Variants in SHANK2 observed in about 807,000 individuals in gnomAD.
SHANK2 encodes the protein SH3 and multiple ankyrin repeat domains 2.
A neutral mutation model predicts 133.7 loss-of-function variants in SHANK2; 43 were observed. The ratio of observed to expected loss-of-function variants is 0.32; its 90% CI spans 0.25 to 0.41. SHANK2 has a LOEUF of 0.41. SHANK2 is among the 10% of genes least tolerant of loss of function. SHANK2 has a pLI of 1.00. For missense variants in SHANK2, 1,994 were observed against 2,235.8 expected, an observed-to-expected ratio of 0.89 and a Z score of 2.18; for synonymous variants, 1,017 against 952.8, an observed-to-expected ratio of 1.07 and a Z score of -1.24.
In SHANK2 at chr11:71,228,167, A is replaced by G. The variant is rs1954674531; in HGVS notation, c.-112-3371T>C. ...TTGACAATGTAGATGAAATAAAGCA[A>G]TTATTCAAGAAATACAAACTACTTC... On this transcript the variant is annotated intron_variant, in intron 1 of 25. Coordinates refer to ENST00000601538, the MANE Select transcript of SHANK2 (RefSeq NM_012309.5). Among the ~76,000 whole-genome samples the G allele has an allele frequency of 2.0e-5, 3 of 152,222 alleles. No individual in the cohort carries two copies. The South Asian group carries it at 6.2e-4, about 32-fold the overall frequency.
intron 11 of SHANK2, among the ~76,000 whole-genome samples, chr11:70,852,558 T>G (rs1400119856): frequency 6.6e-6 from 1 of 152,198 alleles, no homozygotes; most frequent in Non-Finnish European, 1.5e-5. Context: ...TCAAGATCCA[T>G]GACTGGCTGG....
intron 14 of SHANK2, among the ~76,000 whole-genome samples, chr11:70,787,026 T>TCAC (rs1947670627): frequency 1.6e-5 from 2 of 121,510 alleles, no homozygotes; most frequent in African/African-American, 3.4e-5. Flanking sequence ...ATCACCAGCA[T>TCAC]CACCATCATC....
At chr11:70,492,797 T>TG (rs1256238860) in intron 21 of SHANK2, among the ~76,000 whole-genome samples, 1 of 141,608 alleles carries the variant, frequency 7.1e-6, no homozygotes, top group South Asian at 2.4e-4. Context: ...GTTTTTTTTT[T>TG]TTTTTTTTTT....
chr11:70,795,860 C>A (rs1947898584), intron 14 of SHANK2, among the ~76,000 whole-genome samples: 1 of 152,182 alleles, frequency 6.6e-6, no homozygotes, highest in Non-Finnish European at 1.5e-5. Flanking sequence ...GAAACAAATT[C>A]TCCCCCACAG....
At chr11:70,702,342 A>G (rs1945550815) in intron 14 of SHANK2, among the ~76,000 whole-genome samples, 4 of 150,950 alleles carry the variant, frequency 2.6e-5, no homozygotes, top group Non-Finnish European at 4.4e-5. Context: ...CATCACCAAC[A>G]CCATCACCAC....
chr11:71,064,501 C>T (rs1216084650), intron 9 of SHANK2, among the ~76,000 whole-genome samples: 2 of 152,104 alleles, frequency 1.3e-5, no homozygotes, highest in African/African-American at 4.8e-5. Context: ...GACACAAGCC[C>T]TGGGTTATGC....
At chr11:71,108,786 G>A (rs1951840763) in intron 6 of SHANK2, among the ~76,000 whole-genome samples, 1 of 152,232 alleles carries the variant, frequency 6.6e-6, no homozygotes, top group Admixed American at 6.5e-5. Flanking sequence ...CAACGTCACA[G>A]GCATCAAAGC....
intron 9 of SHANK2, among the ~76,000 whole-genome samples, chr11:71,072,082 G>A (rs1326168283): frequency 6.6e-6 from 1 of 152,188 alleles, no homozygotes; most frequent in African/African-American, 2.4e-5. Context: ...CACGGACAGA[G>A]AAGTCCTTCA....
chr11:71,058,184 T>C (rs1950944812), intron 9 of SHANK2, among the ~76,000 whole-genome samples: 2 of 152,320 alleles, frequency 1.3e-5, no homozygotes, highest in South Asian at 4.2e-4. Flanking sequence ...CGTGAGCCAC[T>C]GCACCCAGCC....
rs192918684 is a variant in SHANK2, at chr11:70,890,575, G to A, written c.1174+5926C>T. On this transcript the variant is annotated intron_variant, in intron 11 of 25. Transcript: ENST00000601538. ...AGTACTTTGGGAGGCTGAGGCGGGC[G>A]GATCACCTGTGGTTCAGAGTTTGAG... Among the ~76,000 whole-genome samples, 964 of 151,298 alleles carry A rather than the reference G, an allele frequency of 6.4e-3. 6 individuals carry two copies. The highest frequency in any genetic ancestry group is 0.022 in the African/African-American group (900 of 41,220).
At chr11:70,664,791 T>C (rs1441971205) in intron 15 of SHANK2, among the ~76,000 whole-genome samples, 1 of 152,228 alleles carries the variant, frequency 6.6e-6, no homozygotes, top group Non-Finnish European at 1.5e-5. Flanking sequence ...GGCATTCCAG[T>C]GTGGCTGGTG....
At chr11:71,219,479 C>A (rs1339338820) in intron 2 of SHANK2, among the ~76,000 whole-genome samples, 2 of 152,092 alleles carry the variant, frequency 1.3e-5, no homozygotes, top group Admixed American at 1.3e-4. Flanking sequence ...TTCAAATAAC[C>A]AATAAGCTCA....
intron 17 of SHANK2, among the ~76,000 whole-genome samples, chr11:70,524,327 T>A (rs1488879030): frequency 6.6e-6 from 1 of 152,226 alleles, no homozygotes; most frequent in Non-Finnish European, 1.5e-5. Context: ...CCAGCGTGGA[T>A]GCACAGAGTC....
intron 14 of SHANK2, among the ~76,000 whole-genome samples, chr11:70,782,892 G>T (rs1229351867): frequency 3.3e-5 from 5 of 152,184 alleles, no homozygotes; most frequent in Admixed American, 3.3e-4. Context: ...TGACACGTGG[G>T]CACCATTACT....
chr11:70,507,627 G>A (rs1444646471), intron 17 of SHANK2, among the ~76,000 whole-genome samples: 2 of 152,152 alleles, frequency 1.3e-5, no homozygotes, highest in Non-Finnish European at 1.5e-5. Context: ...TCACCACTCC[G>A]CATTACCCTG....
chr11:70,625,408 G>A (rs1331196620), intron 17 of SHANK2, among the ~76,000 whole-genome samples: 5 of 152,090 alleles, frequency 3.3e-5, no homozygotes, highest in African/African-American at 1.2e-4. Flanking sequence ...GGTCCAAGCT[G>A]ATGTGGCATG....
chr11:70,589,052 C>T (rs1362726892), intron 17 of SHANK2, among the ~76,000 whole-genome samples: 2 of 152,240 alleles, frequency 1.3e-5, no homozygotes, highest in African/African-American at 4.8e-5. Context: ...CTCCTGACCT[C>T]ATGACCCTTC....
At position 70,935,535 on chromosome 11, in the gene SHANK2, G is replaced by C. The variant is rs531889854; in HGVS notation, c.1108-38968C>G. 3.9e-5 allele frequency among the ~76,000 whole-genome samples: 6 copies of C among 152,268 alleles called. No individual in the cohort carries two copies. The East Asian group carries it at 1.2e-3, about 29-fold the overall frequency. Reference sequence around the variant, plus strand: ...CATCTCAGGAGGTCACTCCCCCTGGGTCATGCTGAACTTTCCAACAGCCTA... The same window carrying C: ...CATCTCAGGAGGTCACTCCCCCTGGCTCATGCTGAACTTTCCAACAGCCTA... On this transcript the variant is annotated intron_variant, in intron 10 of 25. Transcript: ENST00000601538.
intron 10 of SHANK2, among the ~76,000 whole-genome samples, chr11:70,933,633 C>T (rs782264309): frequency 9.2e-5 from 14 of 152,116 alleles, no homozygotes; most frequent in Non-Finnish European, 1.9e-4. Context: ...AAAAAAGCAA[C>T]AACAGGCTGG....
Sources: gnomAD v4.1 joint callset for allele counts (sites outside exome capture counted in the v4.1 genomes callset) on GRCh38, gnomAD v4.1.1 for gene constraint, MANE v1.5 for transcripts, NCBI Gene and HGNC (gene_info 2026-07-23, HGNC 2026-07-21) for gene names.